The following DRD2 variants were observed in gnomAD, a reference collection of about 807,000 sequenced individuals.
DRD2 encodes D(2) dopamine receptor.
A neutral mutation model predicts 38.0 loss-of-function variants in DRD2; 8 were observed. That is an observed-to-expected ratio of 0.21 (90% confidence interval 0.12 to 0.38). DRD2 has a LOEUF of 0.38. Among genes scored for constraint, DRD2 ranks in the 10% least tolerant of loss-of-function variants. DRD2 has a pLI of 1.00. For synonymous variants in DRD2, 230 were observed against 238.6 expected (o/e 0.96, Z 0.33); for missense variants, 403 against 607.7 (o/e 0.66, Z 3.54).
At chr11:113,416,427 G>A (rs572738838) in intron 4 of DRD2, among the ~76,000 whole-genome samples, 19 of 152,334 alleles carry the variant, frequency 1.2e-4, no homozygotes, top group African/African-American at 4.6e-4. Flanking sequence ...GCTAAGGCCT[G>A]ACCTGGGTTT....
chr11:113,473,114 T>C (rs1272502809), intron 1 of DRD2, among the ~76,000 whole-genome samples: 1 of 152,236 alleles, frequency 6.6e-6, no homozygotes, highest in African/African-American at 2.4e-5. Flanking sequence ...CAGCAAATGG[T>C]TGCCAAGGTA....
At chr11:113,433,760 G>A (rs1195074523) in intron 1 of DRD2, among the ~76,000 whole-genome samples, 1 of 152,106 alleles carries the variant, frequency 6.6e-6, no homozygotes, top group African/African-American at 2.4e-5. Context: ...CTACAATCTC[G>A]AGGGCCTTCT....
intron 2 of DRD2, among the ~76,000 whole-genome samples, chr11:113,419,453 C>CACAT (rs1207238544): frequency 1.3e-5 from 2 of 151,182 alleles, no homozygotes; most frequent in Admixed American, 6.6e-5. Context: ...CAGGCACACA[C>CACAT]ACACACACAC....
intron 1 of DRD2, chr11:113,450,191 A>G (rs1266571401): frequency 9.8e-5 from 15 of 152,634 alleles, no homozygotes; most frequent in Admixed American, 2.0e-4. Flanking sequence ...AAATCTCCCT[A>G]TCATGAAATC....
intron 1 of DRD2, among the ~76,000 whole-genome samples, chr11:113,456,118 G>C (rs1470954242): frequency 2.0e-5 from 3 of 152,170 alleles, no homozygotes; most frequent in Non-Finnish European, 4.4e-5. Context: ...CCTTTACAAA[G>C]AATGAAATTC....
chr11:113,464,613 A>G (rs1272980507), intron 1 of DRD2, among the ~76,000 whole-genome samples: 2 of 152,134 alleles, frequency 1.3e-5, no homozygotes, highest in Non-Finnish European at 2.9e-5. Context: ...ACCTGCTCCT[A>G]TGAGTGCATT....
chr11:113,466,106 AGATCT>A (rs1299182104), intron 1 of DRD2, among the ~76,000 whole-genome samples: 1 of 152,242 alleles, frequency 6.6e-6, no homozygotes, highest in Admixed American at 6.5e-5. Context: ...GATAGAACAA[AGATCT>A]GATCCTGCAT....
rs565334387 is a variant in DRD2, at chr11:113,442,145, G to A, written c.-31-17463C>T. Among the ~76,000 whole-genome samples the A allele has an allele frequency of 3.9e-5, 6 of 152,316 alleles. No homozygotes were observed. The South Asian group carries it at 1.2e-3, about 32-fold the overall frequency. ...AAGAAAATTGGCCATAATTGCCTTAGCTTGGAAGTGGCCAGACCCCAAGGC... is the reference window on the plus strand; with the variant it reads ...AAGAAAATTGGCCATAATTGCCTTAACTTGGAAGTGGCCAGACCCCAAGGC... On this transcript the variant is annotated intron_variant, in intron 1 of 7. Transcript: ENST00000362072.
intron 1 of DRD2, among the ~76,000 whole-genome samples, chr11:113,471,275 G>A (rs1243152906): frequency 1.3e-5 from 2 of 152,208 alleles, no homozygotes; most frequent in Non-Finnish European, 2.9e-5. Context: ...GAACAGGTGA[G>A]AGGCAAAAGT....
At chr11:113,451,655 T>C (rs1951210912) in intron 1 of DRD2, among the ~76,000 whole-genome samples, 1 of 152,056 alleles carries the variant, frequency 6.6e-6, no homozygotes, top group Non-Finnish European at 1.5e-5. Flanking sequence ...CACGCCCGGC[T>C]AATTTTGTAT....
intron 1 of DRD2, among the ~76,000 whole-genome samples, chr11:113,427,111 T>A (rs896706284): frequency 1.3e-5 from 2 of 152,228 alleles, no homozygotes; most frequent in Non-Finnish European, 2.9e-5. Context: ...TTTGCTAAGT[T>A]TTTTGGATAT....
chr11:113,468,540 T>TTTGA (rs1337558792), intron 1 of DRD2, among the ~76,000 whole-genome samples: 3 of 151,732 alleles, frequency 2.0e-5, no homozygotes, highest in African/African-American at 7.3e-5. Context: ...TTTTTTGTTT[T>TTTGA]TTGTTTGTTT....
intron 1 of DRD2, among the ~76,000 whole-genome samples, chr11:113,453,168 A>G (rs1951232735): frequency 6.6e-6 from 1 of 152,186 alleles, no homozygotes; most frequent in African/African-American, 2.4e-5. Context: ...TCTCTACTCC[A>G]TGGGGCAGTA....
rs199892958 is a variant in DRD2, at chr11:113,412,549, G to T, written c.1138+7C>A. ...CGGGCTGTGGCCAGCAGCCAGGGCC[G>T]ACTCACCGAGAACAATGGCGAGCAT... On this transcript the variant is annotated splice_region_variant and intron_variant, in intron 7 of 7. Transcript: ENST00000362072. 6.3e-7 allele frequency: 1 copy of T among 1,599,312 alleles called. No individual in the cohort carries two copies. Among genetic ancestry groups the T allele is most frequent in the South Asian group, 1.1e-5 (1 of 90,380 alleles).
intron 1 of DRD2, among the ~76,000 whole-genome samples, chr11:113,440,579 C>G (rs989947144): frequency 2.6e-5 from 4 of 152,218 alleles, no homozygotes; most frequent in Admixed American, 6.5e-5. Flanking sequence ...GCAAATAATG[C>G]AAATCCCAAG....
At chr11:113,465,075 T>A (rs1951355062) in intron 1 of DRD2, among the ~76,000 whole-genome samples, 1 of 152,156 alleles carries the variant, frequency 6.6e-6, no homozygotes, top group African/African-American at 2.4e-5. Context: ...GTCTTGAATC[T>A]TCTATAATCA....
intron 1 of DRD2, among the ~76,000 whole-genome samples, chr11:113,474,667 G>A (rs1252793643): frequency 6.6e-6 from 1 of 151,994 alleles, no homozygotes; most frequent in Non-Finnish European, 1.5e-5. Context: ...AACTCTGGCC[G>A]CGAGCCCCGG....
intron 1 of DRD2, among the ~76,000 whole-genome samples, chr11:113,446,996 C>G (rs1438661390): frequency 6.6e-6 from 1 of 152,206 alleles, no homozygotes; most frequent in Non-Finnish European, 1.5e-5. Flanking sequence ...GTCTTGACTC[C>G]TAAGCAGCAC....
At chr11:113,473,636 T>C (rs954648994) in intron 1 of DRD2, among the ~76,000 whole-genome samples, 4 of 152,218 alleles carry the variant, frequency 2.6e-5, no homozygotes, top group Admixed American at 6.5e-5. Context: ...CATTCAGAGA[T>C]GGCATCAAAA....
Sources: gnomAD v4.1 joint callset for allele counts (sites outside exome capture counted in the v4.1 genomes callset) on GRCh38, gnomAD v4.1.1 for gene constraint, MANE v1.5 for transcripts, NCBI Gene and HGNC (gene_info 2026-07-23, HGNC 2026-07-21) for gene names.